NRXN1: variants seen among roughly 807,000 people sequenced by gnomAD.
The protein encoded by NRXN1 is neurexin 1, also known as neurexin-1.
In NRXN1, 39 loss-of-function variants were observed where a neutral mutation model predicts 150.9. That is an observed-to-expected ratio of 0.26 (90% CI 0.20 to 0.34). The LOEUF (loss-of-function observed/expected upper bound fraction) is 0.34, where lower values mean the gene tolerates loss of function less well. Among genes scored for constraint, NRXN1 ranks in the 10% least tolerant of loss-of-function variants. NRXN1 has a pLI of 1.00. For synonymous variants in NRXN1, 924 were observed against 757.0 expected (o/e 1.22, Z -3.62); for missense variants, 1,815 against 1,949.9 (o/e 0.93, Z 1.30).
chr2:50,604,641 G>A (rs924681058), intron 8 of NRXN1, among the ~76,000 whole-genome samples: 3 of 151,764 alleles, frequency 2.0e-5, no homozygotes, highest in Non-Finnish European at 4.4e-5. Flanking sequence ...ACTACTTTTC[G>A]TTCAGTGCCA....
intron 17 of NRXN1, among the ~76,000 whole-genome samples, chr2:50,308,649 A>G (rs2074878990): frequency 6.6e-6 from 1 of 152,132 alleles, no homozygotes; most frequent in Admixed American, 6.6e-5. Context: ...CTACTACTAC[A>G]ATCAGTGTAT....
At chr2:50,265,987 TTATTATTA>T (rs1166594148) in intron 17 of NRXN1, among the ~76,000 whole-genome samples, 22 of 94,008 alleles carry the variant, frequency 2.3e-4, no homozygotes, top group African/African-American at 9.9e-4. Flanking sequence ...ATTATTATTA[TTATTATTA>T]TTATTTATTT....
intron 18 of NRXN1, among the ~76,000 whole-genome samples, chr2:50,132,306 C>T (rs368945989): frequency 1.4e-5 from 2 of 139,360 alleles, no homozygotes; most frequent in Non-Finnish European, 3.1e-5. Context: ...TCCCAAAACT[C>T]TTTTTTTTTT....
At chr2:50,543,393 CT>C (rs1253936814) in intron 9 of NRXN1, among the ~76,000 whole-genome samples, 11 of 152,036 alleles carry the variant, frequency 7.2e-5, no homozygotes, top group African/African-American at 2.7e-4. Context: ...CCCTGCTATG[CT>C]ATTTTATTTT....
At chr2:50,016,264 C>T (rs6731061) in intron 21 of NRXN1, among the ~76,000 whole-genome samples, 68,862 of 151,726 alleles carry the variant, frequency 0.45, 16,151 homozygotes, top group Middle Eastern at 0.62. Context: ...TTCAACATTA[C>T]TCACAGAAGG....
At chr2:50,282,959 A>G (rs1399019888) in intron 17 of NRXN1, among the ~76,000 whole-genome samples, 1 of 152,194 alleles carries the variant, frequency 6.6e-6, no homozygotes, top group African/African-American at 2.4e-5. Flanking sequence ...CTCTTTTACC[A>G]TGGATACTTG....
chr2:50,962,158 T>C (rs1332789704), intron 2 of NRXN1, among the ~76,000 whole-genome samples: 1 of 151,784 alleles, frequency 6.6e-6, no homozygotes, highest in Non-Finnish European at 1.5e-5. Context: ...TTTCCCATAC[T>C]TGCATAAATA....
At chr2:50,645,333 T>G (rs1382887512) in intron 5 of NRXN1, among the ~76,000 whole-genome samples, 4 of 151,942 alleles carry the variant, frequency 2.6e-5, no homozygotes, top group African/African-American at 9.7e-5. Context: ...TTTCTAAATC[T>G]TCATTTCTAA....
intron 5 of NRXN1, among the ~76,000 whole-genome samples, chr2:50,901,740 A>C (rs979461699): frequency 6.6e-6 from 1 of 152,218 alleles, no homozygotes; most frequent in Non-Finnish European, 1.5e-5. Flanking sequence ...CCAGTAGGTA[A>C]TCAAAAACAG....
rs1705285976 is a variant in NRXN1, at chr2:50,130,335, G to A, written c.3547-38841C>T. ...GACAAACAAGCAGGGGGCAGCTTTT[G>A]GTAGAAGGAGCAATAATGTCCTTCT... On this transcript the variant is annotated intron_variant, in intron 18 of 22. Transcript: ENST00000401669. Among the ~76,000 whole-genome samples, 6 of 151,994 alleles carry A rather than the reference G, an allele frequency of 3.9e-5. No individual in the cohort carries two copies. In the South Asian group the frequency reaches 1.2e-3, roughly 32 times the overall value.
intron 18 of NRXN1, among the ~76,000 whole-genome samples, chr2:50,226,588 T>C (rs1396921898): frequency 1.3e-5 from 2 of 151,994 alleles, no homozygotes; most frequent in East Asian, 3.9e-4. Flanking sequence ...AGGTAGAATG[T>C]GGAGTAGCTG....
chr2:50,698,765 G>T (rs918530683), intron 5 of NRXN1, among the ~76,000 whole-genome samples: 2 of 152,150 alleles, frequency 1.3e-5, no homozygotes, highest in Non-Finnish European at 2.9e-5. Context: ...TTCTTCTCCA[G>T]TTAAAATTGC....
intron 8 of NRXN1, among the ~76,000 whole-genome samples, chr2:50,587,657 A>G (rs1164914820): frequency 6.6e-6 from 1 of 152,216 alleles, no homozygotes; most frequent in African/African-American, 2.4e-5. Flanking sequence ...TAACTAGCAT[A>G]TTAAAATTGT....
chr2:50,985,107 T>C (rs911421067), intron 2 of NRXN1, among the ~76,000 whole-genome samples: 4 of 151,760 alleles, frequency 2.6e-5, no homozygotes, highest in Admixed American at 2.0e-4. Flanking sequence ...ATCTTAAAAA[T>C]ATAAAACATA....
At chr2:50,438,431 C>T (rs2085639856) in intron 17 of NRXN1, among the ~76,000 whole-genome samples, 1 of 150,028 alleles carries the variant, frequency 6.7e-6, no homozygotes, top group Non-Finnish European at 1.5e-5. Context: ...TCTGACTGCA[C>T]TGGAACTGGG....
intron 18 of NRXN1, among the ~76,000 whole-genome samples, chr2:50,096,292 CA>C (rs1385157374): frequency 6.6e-6 from 1 of 152,084 alleles, no homozygotes; most frequent in African/African-American, 2.4e-5. Context: ...ATACTAATAA[CA>C]AGCATATTTA....
intron 17 of NRXN1, among the ~76,000 whole-genome samples, chr2:50,345,040 T>G (rs952030578): frequency 1.3e-5 from 2 of 152,194 alleles, no homozygotes; most frequent in African/African-American, 4.8e-5. Context: ...CCTAGAATAC[T>G]GTGGGCTTGT....
At chr2:49,976,099 T>G (rs1013681628) in intron 21 of NRXN1, among the ~76,000 whole-genome samples, 4 of 147,242 alleles carry the variant, frequency 2.7e-5, no homozygotes, top group African/African-American at 1.0e-4. Context: ...CTAGACTCAC[T>G]GCAACCTCTG....
chr2:50,887,607 T>C (rs1373332162), intron 5 of NRXN1, among the ~76,000 whole-genome samples: 3 of 151,478 alleles, frequency 2.0e-5, no homozygotes, highest in South Asian at 2.1e-4. Context: ...TCTTTTAATG[T>C]CTATGAGTCA....
Sources: gnomAD v4.1 joint callset for allele counts (sites outside exome capture counted in the v4.1 genomes callset) on GRCh38, gnomAD v4.1.1 for gene constraint, MANE v1.5 for transcripts, NCBI Gene and HGNC (gene_info 2026-07-23, HGNC 2026-07-21) for gene names.